CNTN4: variants seen among roughly 807,000 people sequenced by gnomAD.
The protein encoded by CNTN4 is contactin 4, also known as contactin-4.
In CNTN4, 77 loss-of-function variants were observed where a neutral mutation model predicts 122.5. The observed-to-expected ratio is 0.63, with a 90% confidence interval of 0.52 to 0.76. The LOEUF (loss-of-function observed/expected upper bound fraction) is 0.76. CNTN4 is among the 30% of genes least tolerant of loss of function. CNTN4 has a pLI of 0.00. For missense variants in CNTN4, 1,256 were observed against 1,259.1 expected (o/e 1.00, Z 0.04); for synonymous variants, 512 against 447.0 (o/e 1.15, Z -1.83).
At chr3:2,945,571 C>T (rs1191211800) in intron 13 of CNTN4, among the ~76,000 whole-genome samples, 1 of 151,996 alleles carries the variant, frequency 6.6e-6, no homozygotes, top group Non-Finnish European at 1.5e-5. Flanking sequence ...TACTTTTTGT[C>T]AAAGATTGTC....
chr3:2,950,544 C>G (rs1416924039), intron 13 of CNTN4, among the ~76,000 whole-genome samples: 2 of 152,170 alleles, frequency 1.3e-5, no homozygotes, highest in African/African-American at 4.8e-5. Flanking sequence ...CTGTGCATGA[C>G]ATGTGAGCCC....
chr3:2,226,867 G>A (rs1327792947), intron 2 of CNTN4, among the ~76,000 whole-genome samples: 1 of 152,042 alleles, frequency 6.6e-6, no homozygotes, highest in Non-Finnish European at 1.5e-5. Context: ...ATTGTTACAA[G>A]AACTTTAAAA....
chr3:2,840,832 A>G (rs1038522474), intron 7 of CNTN4, among the ~76,000 whole-genome samples: 7 of 152,128 alleles, frequency 4.6e-5, no homozygotes, highest in Non-Finnish European at 1.0e-4. Context: ...CCTGGGTTCT[A>G]TTAATAGTAG....
At chr3:2,934,249 C>T (rs369923567) in intron 13 of CNTN4, among the ~76,000 whole-genome samples, 48 of 152,252 alleles carry the variant, frequency 3.2e-4, no homozygotes, top group African/African-American at 1.1e-3. Context: ...TCTGCCTGAC[C>T]CCTGCAGTGT....
At chr3:2,324,235 G>C (rs537469657) in intron 2 of CNTN4, among the ~76,000 whole-genome samples, 1 of 151,914 alleles carries the variant, frequency 6.6e-6, no homozygotes, top group South Asian at 2.1e-4. Context: ...AGAGGCTTAG[G>C]GTTTTGAAGC....
intron 8 of CNTN4, among the ~76,000 whole-genome samples, chr3:2,874,512 T>C (rs1407561704): frequency 2.0e-5 from 3 of 152,190 alleles, no homozygotes; most frequent in Non-Finnish European, 4.4e-5. Context: ...ATCTGTTCTC[T>C]ACTTGTCTCT....
chr3:3,048,516 CTGTGTG>C (rs765657967), intron 23 of CNTN4, among the ~76,000 whole-genome samples: 26 of 112,920 alleles, frequency 2.3e-4, no homozygotes, highest in South Asian at 1.2e-3. Flanking sequence ...CTCTCTCTCT[CTGTGTG>C]TGTGTGTGTG....
intron 13 of CNTN4, among the ~76,000 whole-genome samples, chr3:2,929,474 A>T (rs2094501148): frequency 6.6e-6 from 1 of 152,206 alleles, no homozygotes; most frequent in Admixed American, 6.5e-5. Context: ...CCCAGGGTGG[A>T]TGCTTTTGGT....
intron 3 of CNTN4, among the ~76,000 whole-genome samples, chr3:2,520,431 C>T (rs1414530074): frequency 3.3e-5 from 5 of 151,836 alleles, no homozygotes; most frequent in Non-Finnish European, 4.4e-5. Flanking sequence ...TGCTACCACA[C>T]GCTGCTAATT....
chr3:2,295,463 G>A (rs1399174269), intron 2 of CNTN4, among the ~76,000 whole-genome samples: 1 of 136,664 alleles, frequency 7.3e-6, no homozygotes, highest in Non-Finnish European at 1.6e-5. Flanking sequence ...TTTTTTGGCT[G>A]CATGAATGTC....
Position 2,336,775 on chromosome 3 carries a change from A to G in CNTN4, c.-144-2403A>G, listed in dbSNP as rs574551963. Among the ~76,000 whole-genome samples the G allele has an allele frequency of 2.0e-5, 3 of 152,162 alleles. No homozygotes were observed. The East Asian group carries it at 5.8e-4, about 29-fold the overall frequency. ...CCTTTTACCCTATTTTCAGTTCTTC[A>G]TTTCTCATGTGGATCAGGAGTAAGG... On this transcript the variant is annotated intron_variant, in intron 2 of 24. Coordinates refer to ENST00000418658, the MANE Select transcript of CNTN4 (RefSeq NM_175607.3).
chr3:2,161,058 A>G (rs2035946435), intron 2 of CNTN4, among the ~76,000 whole-genome samples: 2 of 152,136 alleles, frequency 1.3e-5, no homozygotes, highest in African/African-American at 4.8e-5. Flanking sequence ...AGGGGAGTCA[A>G]AGATGGAGGC....
At chr3:2,141,698 T>C (rs546408567) in intron 2 of CNTN4, among the ~76,000 whole-genome samples, 1 of 152,242 alleles carries the variant, frequency 6.6e-6, no homozygotes, top group African/African-American at 2.4e-5. Flanking sequence ...ATCATATAGC[T>C]CCCTGAGTGT....
chr3:2,259,737 C>G (rs1252679128), intron 2 of CNTN4, among the ~76,000 whole-genome samples: 2 of 152,158 alleles, frequency 1.3e-5, no homozygotes, highest in East Asian at 3.9e-4. Context: ...AAGTCCCTCC[C>G]ACAACATGTG....
intron 4 of CNTN4, among the ~76,000 whole-genome samples, chr3:2,655,516 G>A (rs777158939): frequency 3.2e-4 from 49 of 152,072 alleles, no homozygotes; most frequent in Non-Finnish European, 6.0e-4. Flanking sequence ...TTCATCTAGT[G>A]GTCTCTTCTC....
chr3:2,963,571 C>T lies in CNTN4; in HGVS notation c.1359-24774C>T, dbSNP rs530755009. Among the ~76,000 whole-genome samples, 22 of 152,240 alleles carry T rather than the reference C, an allele frequency of 1.4e-4. 1 individual carries two copies. In the South Asian group the frequency reaches 2.9e-3, roughly 20 times the overall value. Reference sequence around the variant, plus strand: ...TTGATGTTCTCTCTCATTCCCCATTCTTTGTCTGACCACTACTTATCATCG... The same window carrying T: ...TTGATGTTCTCTCTCATTCCCCATTTTTTGTCTGACCACTACTTATCATCG... On this transcript the variant is annotated intron_variant, in intron 13 of 24. Coordinates refer to ENST00000418658, the MANE Select transcript of CNTN4 (RefSeq NM_175607.3).
At chr3:2,440,259 A>G (rs1380023742) in intron 3 of CNTN4, among the ~76,000 whole-genome samples, 1 of 152,148 alleles carries the variant, frequency 6.6e-6, no homozygotes, top group African/African-American at 2.4e-5. Context: ...TCGCAAGGAC[A>G]AAAAAACCAG....
In CNTN4 at chr3:2,332,993, C is replaced by T. The variant is rs537677991; in HGVS notation, c.-144-6185C>T. ...ATTCTAAACCATGTGCTGCAGTTTCCTATGTTGATGTCACTGGTTGTTCAC... is the reference window on the plus strand; with the variant it reads ...ATTCTAAACCATGTGCTGCAGTTTCTTATGTTGATGTCACTGGTTGTTCAC... On this transcript the variant is annotated intron_variant, in intron 2 of 24. Transcript: ENST00000418658. Among the ~76,000 whole-genome samples, 5 of 152,250 alleles carry T rather than the reference C, an allele frequency of 3.3e-5. No homozygotes were observed. The East Asian group carries it at 7.7e-4, about 24-fold the overall frequency.
chr3:2,659,338 T>G (rs2083757968), intron 4 of CNTN4, among the ~76,000 whole-genome samples: 1 of 151,694 alleles, frequency 6.6e-6, no homozygotes. Flanking sequence ...GGTACATGTC[T>G]GTATTCCCAG....
Sources: gnomAD v4.1 joint callset for allele counts (sites outside exome capture counted in the v4.1 genomes callset) on GRCh38, gnomAD v4.1.1 for gene constraint, MANE v1.5 for transcripts, NCBI Gene and HGNC (gene_info 2026-07-23, HGNC 2026-07-21) for gene names.